Variants in SOX13 observed in about 807,000 individuals in gnomAD.
SOX13 encodes the protein transcription factor SOX-13.
In SOX13, 28 loss-of-function variants were observed where a neutral mutation model predicts 71.8. The observed-to-expected ratio is 0.39, with a 90% CI of 0.29 to 0.53. The LOEUF (loss-of-function observed/expected upper bound fraction) is 0.53, where lower values mean the gene tolerates loss of function less well. Ranked by LOEUF, SOX13 falls within the 20% of genes least tolerant of loss-of-function variation. The pLI is 0.70. For synonymous variants in SOX13, 309 were observed against 317.8 expected, an observed-to-expected ratio of 0.97 and a Z score of 0.29; for missense variants, 627 against 810.3, an observed-to-expected ratio of 0.77 and a Z score of 2.75.
intron 1 of SOX13, among the ~76,000 whole-genome samples, chr1:204,105,423 T>TTTTTTTTTTTTTTTTTA (rs1558216528): frequency 2.0e-5 from 3 of 149,922 alleles, no homozygotes; most frequent in African/African-American, 7.4e-5. Flanking sequence ...CTTTTTTTTT[T>TTTTTTTTTTTTTTTTTA]GAGACAGAGT....
intron 4 of SOX13, 134 bp downstream of exon 4, chr1:204,114,739 A>AG (rs1230898246): frequency 1.4e-6 from 1 of 699,538 alleles, no homozygotes; most frequent in East Asian, 2.7e-5. Flanking sequence ...GCCTGGCCTT[A>AG]GGGGTCATCA....
chr1:204,096,220 TTTTCTTTTTC>T (rs1477159072), intron 1 of SOX13, among the ~76,000 whole-genome samples: 2 of 146,648 alleles, frequency 1.4e-5, no homozygotes. Context: ...TTTTCTTTTC[TTTTCTTTTTC>T]TTTCTTTCGT....
At chr1:204,104,205 C>T (rs1656412753) in intron 1 of SOX13, among the ~76,000 whole-genome samples, 1 of 152,144 alleles carries the variant, frequency 6.6e-6, no homozygotes, top group Middle Eastern at 3.2e-3. Context: ...GGCCACTCTA[C>T]CAGGTGAATG....
chr1:204,074,550 C>T (rs1655745500), intron 1 of SOX13, among the ~76,000 whole-genome samples: 1 of 152,142 alleles, frequency 6.6e-6, no homozygotes, highest in Non-Finnish European at 1.5e-5. Context: ...TGTGTGTGTG[C>T]GCCGGCTCTG....
At chr1:204,101,025 T>A (rs1227894499) in intron 1 of SOX13, among the ~76,000 whole-genome samples, 1 of 152,230 alleles carries the variant, frequency 6.6e-6, no homozygotes, top group East Asian at 1.9e-4. Flanking sequence ...TGTCAAGGTA[T>A]ATATTTTTTC....
At chr1:204,105,139 C>T (rs1021310185) in intron 1 of SOX13, among the ~76,000 whole-genome samples, 4 of 152,130 alleles carry the variant, frequency 2.6e-5, no homozygotes, top group Non-Finnish European at 5.9e-5. Flanking sequence ...GGGTGCCTCT[C>T]TATACCTTGT....
chr1:204,090,760 A>G (rs773551646), intron 1 of SOX13, among the ~76,000 whole-genome samples: 3 of 152,160 alleles, frequency 2.0e-5, no homozygotes, highest in Non-Finnish European at 4.4e-5. Flanking sequence ...CTCAAATTCG[A>G]TTCAGCACGG....
intron 1 of SOX13, among the ~76,000 whole-genome samples, chr1:204,092,697 C>T (rs972528184): frequency 6.6e-6 from 1 of 152,054 alleles, no homozygotes; most frequent in African/African-American, 2.4e-5. Flanking sequence ...TGGGGACAGT[C>T]CAGCATTCCT....
At chr1:204,117,510 T>C (rs1656718899) in intron 6 of SOX13, 83 bp from the exon 7 acceptor site, 1 of 852,694 alleles carries the variant, frequency 1.2e-6, no homozygotes, top group African/African-American at 1.7e-5. Flanking sequence ...TGTCCATGGG[T>C]CCATTCTCTG....
chr1:204,080,505 A>G (rs1655880189), intron 1 of SOX13, among the ~76,000 whole-genome samples: 2 of 152,082 alleles, frequency 1.3e-5, no homozygotes, highest in Non-Finnish European at 2.9e-5. Context: ...GATCCGCCCC[A>G]GAGGAGGCCC....
intron 1 of SOX13, among the ~76,000 whole-genome samples, chr1:204,108,394 C>T (rs1035232666): frequency 2.8e-4 from 42 of 152,292 alleles, no homozygotes; most frequent in Non-Finnish European, 2.1e-4. Context: ...AATCTTGGGC[C>T]GTGCAGTCCT....
rs1178159546 is a variant in SOX13 at position 204,113,149 on chromosome 1, C to T, written c.219+15C>T. ...GGGGCTCCTGGGTCAGTGTCCCCGC[C>T]CTGCCTCCATCCTCACACCCATGCG... On this transcript the variant is annotated intron_variant, in intron 2 of 13. Coordinates refer to ENST00000367204, the MANE Select transcript of SOX13 (RefSeq NM_005686.3). 1 of 1,519,060 alleles carries T rather than the reference C, an allele frequency of 6.6e-7. No individual in the cohort carries two copies. Among genetic ancestry groups the T allele is most frequent in the Admixed American group, 2.1e-5 (1 of 48,180 alleles). The allele number at this position is 1,519,060 out of a possible 1,614,324, so 94.1% of individuals were successfully genotyped here.
intron 1 of SOX13, among the ~76,000 whole-genome samples, chr1:204,112,203 G>A (rs1260649945): frequency 2.6e-5 from 4 of 152,206 alleles, no homozygotes; most frequent in Middle Eastern, 3.2e-3. Flanking sequence ...CACTTTGGGA[G>A]GCTGAGGCGG....
intron 1 of SOX13, among the ~76,000 whole-genome samples, chr1:204,109,199 C>A (rs1186180307): frequency 6.6e-6 from 1 of 152,168 alleles, no homozygotes; most frequent in Non-Finnish European, 1.5e-5. Flanking sequence ...CATGGAGGCC[C>A]CTCTCTGCAG....
At chr1:204,086,727 A>G (rs902138178) in intron 1 of SOX13, among the ~76,000 whole-genome samples, 1 of 152,142 alleles carries the variant, frequency 6.6e-6, no homozygotes, top group African/African-American at 2.4e-5. Flanking sequence ...TCTTTGAGCC[A>G]TATTTTCTTT....
rs201697332 is a variant in SOX13, at chr1:204,123,218, C to T, written c.1231+10C>T. ...AGCTGCGACATGGATGGTGAGGGCT[C>T]AGGCGCAGGGCTGATGCGCAGGAGG... On this transcript the variant is annotated intron_variant, in intron 11 of 13. Coordinates refer to ENST00000367204, the MANE Select transcript of SOX13 (RefSeq NM_005686.3). The surrounding 1 kb of genome is among the most constrained non-coding windows in gnomAD (Gnocchi z 5.0). 1.2e-4 allele frequency: 190 copies of T among 1,607,432 alleles called. No individual in the cohort carries two copies. The African/African-American group carries it at 2.3e-3, about 19-fold the overall frequency.
chr1:204,114,294 A>C (rs367688704), intron 2 of SOX13, 27 bp from the exon 3 acceptor site: 490 of 1,465,154 alleles, frequency 3.3e-4, no homozygotes, highest in Non-Finnish European at 4.4e-4. Flanking sequence ...CTTGGGGGTT[A>C]TGGTGACAAT....
At chr1:204,079,274 C>T (rs552957930) in intron 1 of SOX13, among the ~76,000 whole-genome samples, 2 of 150,438 alleles carry the variant, frequency 1.3e-5, no homozygotes, top group South Asian at 4.2e-4. Context: ...AGCAAGACTC[C>T]GTCTCAAAAA....
intron 1 of SOX13, among the ~76,000 whole-genome samples, chr1:204,101,362 T>C (rs1415182836): frequency 6.6e-6 from 1 of 152,052 alleles, no homozygotes; most frequent in Non-Finnish European, 1.5e-5. Flanking sequence ...ATATTTGAAA[T>C]GCATTTAAGA....
Sources: gnomAD v4.1 joint callset for allele counts (sites outside exome capture counted in the v4.1 genomes callset) on GRCh38, gnomAD v4.1.1 for gene constraint, Gnocchi (gnomAD v3.1) non-coding constraint, MANE v1.5 for transcripts, NCBI Gene and HGNC (gene_info 2026-07-23, HGNC 2026-07-21) for gene names.